The following GAB1 variants were observed in gnomAD, a reference collection of about 807,000 sequenced individuals.
GAB1 encodes the protein GRB2 associated binding protein 1.
In GAB1, 19 loss-of-function variants were observed where a neutral mutation model predicts 66.5. The observed-to-expected ratio is 0.29, with a 90% confidence interval of 0.20 to 0.42. GAB1 has a LOEUF of 0.42. Ranked by LOEUF, GAB1 falls within the 10% of genes least tolerant of loss-of-function variation. The pLI, the probability that GAB1 is intolerant of heterozygous loss-of-function variation, is 1.00. For synonymous variants in GAB1, 294 were observed against 301.4 expected, an observed-to-expected ratio of 0.98 and a Z score of 0.25; for missense variants, 732 against 858.5, an observed-to-expected ratio of 0.85 and a Z score of 1.84.
At chr4:143,452,782 C>T (rs1734992410) in intron 6 of GAB1, among the ~76,000 whole-genome samples, 1 of 152,148 alleles carries the variant, frequency 6.6e-6, no homozygotes, top group African/African-American at 2.4e-5. Flanking sequence ...TTATGCTGCA[C>T]TCTTTGTTCA....
rs557102285 is a variant in GAB1, at chr4:143,392,947, C to G, written c.73-22530C>G. On this transcript the variant is annotated intron_variant, in intron 1 of 9. Transcript: ENST00000262994. ...TACTTTCTATTAGTGATAGCAGTAC[C>G]TTTTTCATGTCTATGGGCTATATTT... Among the ~76,000 whole-genome samples, 15 of 152,114 alleles carry G rather than the reference C, an allele frequency of 9.9e-5. No individual in the cohort carries two copies. The East Asian group carries it at 2.5e-3, about 25-fold the overall frequency.
chr4:143,373,320 T>G (rs1210118406), intron 1 of GAB1, among the ~76,000 whole-genome samples: 1 of 152,224 alleles, frequency 6.6e-6, no homozygotes, highest in Non-Finnish European at 1.5e-5. Flanking sequence ...TTAATATAAT[T>G]GTTTAATTAA....
intron 1 of GAB1, among the ~76,000 whole-genome samples, chr4:143,361,357 C>A (rs540594695): frequency 6.6e-6 from 1 of 151,982 alleles, no homozygotes; most frequent in Non-Finnish European, 1.5e-5. Context: ...ACTCTGACAC[C>A]CTGACTTACT....
Position 143,438,541 on chromosome 4 carries a change from G to A in GAB1, c.1136G>A (p.Gly379Glu), listed in dbSNP as rs765983420. The change falls in exon 4 of 10, where the codon GGG becomes GAG. Residue 379 changes from glycine to glutamate, a missense_variant. Coordinates refer to ENST00000262994, the MANE Select transcript of GAB1 (RefSeq NM_002039.4). ...AGTAGTTACTGTATCCCTACAGCAGGGATGTCGCCTTCACGTAGTAATACC... is the reference window on the plus strand; with the variant it reads ...AGTAGTTACTGTATCCCTACAGCAGAGATGTCGCCTTCACGTAGTAATACC... ...TDSSYCIPTA[G>E]MSPSRSNTIS... is the part of the protein sequence containing the mutation. 1.2e-6 allele frequency: 2 copies of A among 1,613,988 alleles called. No homozygotes were observed. The highest frequency in any genetic ancestry group is 1.7e-5 in the Admixed American group (1 of 59,996).
rs1284580097 is a variant in GAB1 at position 143,474,462 on chromosome 4, A to G, written c.*5273A>G. ...TCAACTTGGTGAGGCTATGGCGCCC[A>G]TGTGTTTGGTCAAACACTAGCCTAG... On this transcript the variant is annotated 3_prime_UTR_variant, in exon 10 of 10. Transcript: ENST00000262994. 6.6e-6 allele frequency: 1 copy of G among 152,198 alleles called. No individual in the cohort carries two copies. Among genetic ancestry groups the G allele is most frequent in the Non-Finnish European group, 1.5e-5 (1 of 68,034 alleles). The allele number at this position is 152,198 out of a possible 1,614,324, so 9.4% of individuals were successfully genotyped here.
intron 1 of GAB1, among the ~76,000 whole-genome samples, chr4:143,406,497 A>T (rs183709663): frequency 6.6e-5 from 10 of 152,336 alleles, no homozygotes; most frequent in Admixed American, 5.9e-4. Flanking sequence ...CCAAATCTTT[A>T]GCTGGCCAGA....
chr4:143,445,118 T>C (rs1343816565), intron 6 of GAB1, among the ~76,000 whole-genome samples: 1 of 152,210 alleles, frequency 6.6e-6, no homozygotes, highest in East Asian at 1.9e-4. Flanking sequence ...AGTAATGGAA[T>C]TGCTAGGTTT....
intron 1 of GAB1, among the ~76,000 whole-genome samples, chr4:143,360,721 G>A (rs747394776): frequency 5.3e-5 from 8 of 152,006 alleles, no homozygotes; most frequent in East Asian, 1.9e-4. Flanking sequence ...TTTGTTTTTC[G>A]TGTGACTTCT....
At chr4:143,371,152 T>G (rs1421615381) in intron 1 of GAB1, among the ~76,000 whole-genome samples, 3 of 152,252 alleles carry the variant, frequency 2.0e-5, no homozygotes, top group East Asian at 1.9e-4. Flanking sequence ...TGAACTAGTT[T>G]ACAGTCCCAC....
intron 1 of GAB1, among the ~76,000 whole-genome samples, chr4:143,385,291 C>T (rs1043893947): frequency 3.9e-5 from 6 of 152,194 alleles, no homozygotes; most frequent in African/African-American, 1.4e-4. Flanking sequence ...GCCAAGTCAT[C>T]TGACCTCCCT....
intron 3 of GAB1, among the ~76,000 whole-genome samples, chr4:143,434,776 C>T (rs1462880626): frequency 6.6e-6 from 1 of 152,188 alleles, no homozygotes; most frequent in African/African-American, 2.4e-5. Context: ...CCCCACACCC[C>T]TTTCCTCTTC....
In GAB1 at chr4:143,373,046, C is replaced by A. The variant is rs1160806055; in HGVS notation, c.72+35786C>A. Among the ~76,000 whole-genome samples, 5 of 44,676 alleles carry A rather than the reference C, an allele frequency of 1.1e-4. No individual in the cohort carries two copies. The East Asian group carries it at 1.2e-3, about 10-fold the overall frequency. The allele number at this position is 44,676 out of a possible 152,430, so 29.3% of individuals were successfully genotyped here. ...CTGAGGATTGAATTTCCTTTAAAAACACACACACACACACACACACACACA... is the reference window on the plus strand; with the variant it reads ...CTGAGGATTGAATTTCCTTTAAAAAAACACACACACACACACACACACACA... On this transcript the variant is annotated intron_variant, in intron 1 of 9. Coordinates refer to ENST00000262994, the MANE Select transcript of GAB1 (RefSeq NM_002039.4).
At position 143,337,144 on chromosome 4, in the gene GAB1, C is replaced by G. The variant is rs1176790739; in HGVS notation, c.-45C>G. The G allele has an allele frequency of 6.5e-7, 1 of 1,532,006 alleles. No individual in the cohort carries two copies. Among genetic ancestry groups the G allele is most frequent in the Non-Finnish European group, 8.8e-7 (1 of 1,131,636 alleles). 94.9% of individuals were successfully genotyped at this position (1,532,006 alleles called of 1,614,324 possible). On this transcript the variant is annotated 5_prime_UTR_variant, in exon 1 of 10. Transcript: ENST00000262994. ...GCGTCGGCTGTGTCGGGAGCGCGCC[C>G]GCCGCCCCTCAGCTGCCCGGCCCGG...
At chr4:143,468,175 A>T (rs1309999844) in intron 9 of GAB1, among the ~76,000 whole-genome samples, 4 of 130,182 alleles carry the variant, frequency 3.1e-5, no homozygotes, top group African/African-American at 8.7e-5. Flanking sequence ...TTTTTTATGA[A>T]TTTCATCTGT....
intron 1 of GAB1, among the ~76,000 whole-genome samples, chr4:143,357,047 G>C (rs905492567): frequency 1.3e-5 from 2 of 152,094 alleles, no homozygotes; most frequent in African/African-American, 4.8e-5. Flanking sequence ...TCTATCCTGG[G>C]TGGGTTTGAG....
intron 2 of GAB1, among the ~76,000 whole-genome samples, chr4:143,430,526 G>A (rs1733599456): frequency 6.6e-6 from 1 of 152,148 alleles, no homozygotes; most frequent in African/African-American, 2.4e-5. Flanking sequence ...AAAGCCAGGT[G>A]TCAGCAAAGA....
intron 2 of GAB1, among the ~76,000 whole-genome samples, chr4:143,432,208 C>A (rs1733694516): frequency 1.3e-5 from 2 of 152,164 alleles, no homozygotes; most frequent in South Asian, 4.1e-4. Context: ...CATTCCTGAT[C>A]CCTGGGAGTG....
chr4:143,466,171 G>A lies in GAB1; in HGVS notation c.1872G>A (p.Gln624=). The change falls in exon 9 of 10, where the codon CAG becomes CAA. Residue 624 remains glutamine, a synonymous_variant. Transcript: ENST00000262994. ...TGATCAAGCCCAAAGGAGACAAACAGGTGGAATACTTAGATCTCGACTTAG... is the reference window on the plus strand; with the variant it reads ...TGATCAAGCCCAAAGGAGACAAACAAGTGGAATACTTAGATCTCGACTTAG... The part of the protein sequence containing the change: ...SPMIKPKGDK[Q]VEYLDLDLDS... 1 of 1,613,826 alleles carries A rather than the reference G, an allele frequency of 6.2e-7. No homozygotes were observed. The highest frequency in any genetic ancestry group is 8.5e-7 in the Non-Finnish European group (1 of 1,179,776).
rs1354064813 is a variant in GAB1, at chr4:143,469,273, T to C, written c.*84T>C. The C allele has an allele frequency of 7.4e-7, 1 of 1,350,888 alleles. No homozygotes were observed. Among genetic ancestry groups the C allele is most frequent in the African/African-American group, 1.5e-5 (1 of 68,540 alleles). The allele number at this position is 1,350,888 out of a possible 1,614,324, so 83.7% of individuals were successfully genotyped here. On this transcript the variant is annotated 3_prime_UTR_variant, in exon 10 of 10. Transcript: ENST00000262994. ...TTGAAGAATGACTTGACACTTCCACTCTAGGTAGATCCTCAAATGAGTAGA... is the reference window on the plus strand; with the variant it reads ...TTGAAGAATGACTTGACACTTCCACCCTAGGTAGATCCTCAAATGAGTAGA...
Sources: allele counts gnomAD v4.1 joint callset (sites outside exome capture counted in the v4.1 genomes callset), GRCh38; gene constraint gnomAD v4.1.1; transcripts MANE v1.5; gene names NCBI Gene and HGNC (gene_info 2026-07-23, HGNC 2026-07-21).